The following PADI2 variants were observed in gnomAD, a reference collection of about 807,000 sequenced individuals.
PADI2 encodes protein-arginine deiminase type-2.
A neutral mutation model predicts 81.1 loss-of-function variants in PADI2; 70 were observed. That is an observed-to-expected ratio of 0.86 (90% CI 0.71 to 1.05). The LOEUF (loss-of-function observed/expected upper bound fraction) is 1.05, where lower values mean the gene tolerates loss of function less well. PADI2 is among the 50% of genes least tolerant of loss of function. The pLI is 0.00. For synonymous variants in PADI2, 338 were observed against 358.0 expected, an observed-to-expected ratio of 0.94 and a Z score of 0.63; for missense variants, 853 against 889.9, an observed-to-expected ratio of 0.96 and a Z score of 0.53.
chr1:17,080,184 G>T (rs897173342), intron 10 of PADI2, among the ~76,000 whole-genome samples: 5 of 152,180 alleles, frequency 3.3e-5, no homozygotes, highest in Non-Finnish European at 2.9e-5. Context: ...TACCCTCTGC[G>T]CAGTAAGAGA....
At chr1:17,071,571 G>C (rs875219) in intron 13 of PADI2, 80 bp from the exon 14 acceptor site, 702,630 of 1,115,260 alleles carry the variant, frequency 0.63, 224,247 homozygotes, top group Middle Eastern at 0.72. Flanking sequence ...GATCCTCCAG[G>C]CCTGGGCTAA....
chr1:17,118,973 G>A (rs550983754), intron 1 of PADI2, among the ~76,000 whole-genome samples: 1 of 152,090 alleles, frequency 6.6e-6, no homozygotes, highest in Non-Finnish European at 1.5e-5. Context: ...AGGGGTGTGA[G>A]GTCCCCCGGG....
At chr1:17,101,112 A>G (rs2101601936) in intron 3 of PADI2, among the ~76,000 whole-genome samples, 1 of 152,246 alleles carries the variant, frequency 6.6e-6, no homozygotes, top group East Asian at 1.9e-4. Flanking sequence ...ATAAATAATT[A>G]TTAACAGACC....
At position 17,119,414 on chromosome 1, in the gene PADI2, G is replaced by A. The variant is rs1392729960; in HGVS notation, c.-43C>T. The stretch of plus-strand genomic sequence containing the variant: ...CCGCGCTCGCTGGTCCGGGGCGGCC[G>A]GGAGCACCTGCAGCAGGTGCGCCTT... On this transcript the variant is annotated 5_prime_UTR_variant, in exon 1 of 16. Transcript: ENST00000375486. The surrounding 1 kb of genome is among the most constrained non-coding windows in gnomAD (Gnocchi z 4.8). 2.8e-6 allele frequency: 4 copies of A among 1,433,516 alleles called. No individual in the cohort carries two copies. Among genetic ancestry groups the A allele is most frequent in the South Asian group, 2.6e-5 (2 of 78,278 alleles). The allele number at this position is 1,433,516 out of a possible 1,614,324, so 88.8% of individuals were successfully genotyped here.
intron 1 of PADI2, among the ~76,000 whole-genome samples, chr1:17,110,904 C>T (rs892967476): frequency 1.3e-5 from 2 of 151,980 alleles, no homozygotes; most frequent in Admixed American, 6.6e-5. Context: ...ATGGGCACAC[C>T]GTAAGTATAA....
At chr1:17,098,970 G>T (rs974332206) in intron 3 of PADI2, among the ~76,000 whole-genome samples, 2 of 152,206 alleles carry the variant, frequency 1.3e-5, no homozygotes, top group Non-Finnish European at 2.9e-5. Context: ...GGGCCTCCAG[G>T]CTCCAGACGA....
intron 11 of PADI2, chr1:17,079,058 G>C: frequency 2.2e-6 from 1 of 463,080 alleles, no homozygotes; most frequent in South Asian, 3.1e-5. Context: ...TGTTTATTTA[G>C]TTATATATTA....
intron 15 of PADI2, 61 bp downstream of exon 15, chr1:17,070,027 C>T: frequency 6.4e-7 from 1 of 1,559,602 alleles, no homozygotes; most frequent in Non-Finnish European, 8.7e-7. Context: ...CTGAGGGGTC[C>T]TTCTGGATCT....
At chr1:17,088,093 C>T (rs575477776) in intron 6 of PADI2, among the ~76,000 whole-genome samples, 17 of 151,890 alleles carry the variant, frequency 1.1e-4, no homozygotes, top group Admixed American at 7.9e-4. Flanking sequence ...AGCGTCATAA[C>T]GGCGGCTATG....
At chr1:17,085,852 CT>C (rs1004087102) in intron 7 of PADI2, among the ~76,000 whole-genome samples, 2 of 152,146 alleles carry the variant, frequency 1.3e-5, no homozygotes, top group Non-Finnish European at 2.9e-5. Context: ...AGGTCCTTCC[CT>C]TTTTTTCTGA....
chr1:17,111,090 T>C (rs1411190255), intron 1 of PADI2, among the ~76,000 whole-genome samples: 4 of 146,998 alleles, frequency 2.7e-5, no homozygotes, highest in Non-Finnish European at 6.0e-5. Flanking sequence ...ACCTTTTTTT[T>C]TTTTTTTTTT....
intron 1 of PADI2, among the ~76,000 whole-genome samples, chr1:17,113,186 G>A (rs1931645176): frequency 6.6e-6 from 1 of 151,954 alleles, no homozygotes; most frequent in Non-Finnish European, 1.5e-5. Context: ...GAGGGATCAG[G>A]TCTCATTATT....
chr1:17,075,740 T>G lies in PADI2; in HGVS notation c.1394A>C (p.Asp465Ala). 6.2e-7 allele frequency: 1 copy of G among 1,614,014 alleles called. No individual in the cohort carries two copies. The highest frequency in any genetic ancestry group is 8.5e-7 in the Non-Finnish European group (1 of 1,179,954). ...ATCCACGTGGCCCACAGTCAGCCAG[T>G]CTGAGTAGAGCTCCACGGGCGCCTG... ...QVQAPVELYS[D>A]WLTVGHVDEF... Residue 465 changes from aspartate to alanine, a missense_variant, in exon 12 of 16, where the codon GAC becomes GCC. By Grantham distance (126) the Asp-to-Ala change is moderately radical. Transcript: ENST00000375486.
At chr1:17,098,093 C>A (rs910527304) in intron 3 of PADI2, among the ~76,000 whole-genome samples, 2 of 151,400 alleles carry the variant, frequency 1.3e-5, no homozygotes, top group Non-Finnish European at 2.9e-5. Flanking sequence ...GGGAAGTGAC[C>A]ACCGAAGTTC....
chr1:17,108,786 A>C (rs1427360680), intron 1 of PADI2, among the ~76,000 whole-genome samples: 1 of 152,260 alleles, frequency 6.6e-6, no homozygotes, highest in Non-Finnish European at 1.5e-5. Flanking sequence ...ATCTCTGTTT[A>C]AAATAAAGTT....
rs1454395163 is a variant in PADI2, at chr1:17,088,673, C to G, written c.656-1974G>C. On this transcript the variant is annotated intron_variant, in intron 6 of 15. Transcript: ENST00000375486. ...CCTGTAATCCCAGCACTTTGGGATGCTGAGGCGGGCGAATCACGAGGTCAG... is the reference window on the plus strand; with the variant it reads ...CCTGTAATCCCAGCACTTTGGGATGGTGAGGCGGGCGAATCACGAGGTCAG... 2.1e-5 allele frequency among the ~76,000 whole-genome samples: 3 copies of G among 146,208 alleles called. No homozygotes were observed. In the East Asian group the frequency reaches 6.0e-4, roughly 29 times the overall value.
chr1:17,096,362 C>T (rs1443918624), intron 3 of PADI2, among the ~76,000 whole-genome samples: 1 of 152,238 alleles, frequency 6.6e-6, no homozygotes, highest in Non-Finnish European at 1.5e-5. Context: ...TGCGGTTGGT[C>T]TGATTCATAG....
intron 1 of PADI2, among the ~76,000 whole-genome samples, chr1:17,106,666 C>A (rs932436186): frequency 5.3e-5 from 8 of 152,082 alleles, no homozygotes; most frequent in Non-Finnish European, 1.0e-4. Context: ...TGGGCTCAAA[C>A]TCCTGACCTC....
chr1:17,090,455 C>A (rs1930647916), intron 6 of PADI2, among the ~76,000 whole-genome samples: 1 of 152,216 alleles, frequency 6.6e-6, no homozygotes, highest in African/African-American at 2.4e-5. Flanking sequence ...GAGAGCTGGT[C>A]TGACCCTACC....
Sources: allele counts gnomAD v4.1 joint callset (sites outside exome capture counted in the v4.1 genomes callset), GRCh38; gene constraint gnomAD v4.1.1; non-coding constraint Gnocchi (gnomAD v3.1); transcripts MANE v1.5; gene names NCBI Gene and HGNC (gene_info 2026-07-23, HGNC 2026-07-21).